FRMD4A: variants seen among roughly 807,000 people sequenced by gnomAD.
The protein encoded by FRMD4A is FERM domain-containing protein 4A.
FRMD4A carries 29 observed loss-of-function variants against 129.1 expected under a neutral mutation model. That is an observed-to-expected ratio of 0.22 (90% CI 0.17 to 0.31). The LOEUF is 0.31. Ranked by LOEUF, FRMD4A falls within the 10% of genes least tolerant of loss-of-function variation. FRMD4A has a pLI of 1.00. For missense variants in FRMD4A, 1,272 were observed against 1,375.8 expected (o/e 0.92, Z 1.19); for synonymous variants, 634 against 571.6 (o/e 1.11, Z -1.56).
At chr10:13,720,666 T>C (rs11258555) in intron 12 of FRMD4A, among the ~76,000 whole-genome samples, 1,759 of 152,206 alleles carry the variant, frequency 0.012, 69 homozygotes, top group South Asian at 0.12. Context: ...CAGGGAAGGA[T>C]AGGACAGGGT....
chr10:14,063,115 C>T (rs554051417), intron 2 of FRMD4A, among the ~76,000 whole-genome samples: 1 of 152,228 alleles, frequency 6.6e-6, no homozygotes, highest in South Asian at 2.1e-4. Flanking sequence ...AAGAGCTTTA[C>T]ACTTAAGAAG....
intron 2 of FRMD4A, among the ~76,000 whole-genome samples, chr10:14,047,488 G>T (rs560773303): frequency 6.6e-6 from 1 of 152,268 alleles, no homozygotes; most frequent in South Asian, 2.1e-4. Context: ...AGGATTGATA[G>T]GATCTCTAGG....
At chr10:14,012,792 G>A (rs749674462) in intron 2 of FRMD4A, among the ~76,000 whole-genome samples, 2 of 152,186 alleles carry the variant, frequency 1.3e-5, no homozygotes, top group Non-Finnish European at 2.9e-5. Flanking sequence ...CTTTTGCCCA[G>A]TGCCTGAAAT....
At chr10:14,231,555 C>T (rs183145471) in intron 2 of FRMD4A, among the ~76,000 whole-genome samples, 3 of 152,228 alleles carry the variant, frequency 2.0e-5, no homozygotes, top group Non-Finnish European at 2.9e-5. Flanking sequence ...ACCGTGTTAG[C>T]CAGGATGGTC....
chr10:14,197,603 C>T (rs990949084), intron 2 of FRMD4A, among the ~76,000 whole-genome samples: 2 of 152,196 alleles, frequency 1.3e-5, no homozygotes, highest in Non-Finnish European at 2.9e-5. Flanking sequence ...CCAAGTGATC[C>T]GCCCACCTCT....
chr10:14,137,412 A>C (rs11258888), intron 2 of FRMD4A, among the ~76,000 whole-genome samples: 76,839 of 151,924 alleles, frequency 0.51, 20,478 homozygotes, highest in East Asian at 0.77. Flanking sequence ...TTTGACTGAA[A>C]GAAAGCTTTG....
chr10:14,117,497 T>A (rs1280569835), intron 2 of FRMD4A, among the ~76,000 whole-genome samples: 1 of 152,240 alleles, frequency 6.6e-6, no homozygotes, highest in Non-Finnish European at 1.5e-5. Context: ...ACTCTGGGTC[T>A]CTGAGATTCT....
chr10:13,860,458 T>G (rs1303880141), intron 2 of FRMD4A, among the ~76,000 whole-genome samples: 1 of 152,222 alleles, frequency 6.6e-6, no homozygotes, highest in Non-Finnish European at 1.5e-5. Flanking sequence ...CGCTCCTCTC[T>G]GGACCAGATG....
intron 2 of FRMD4A, among the ~76,000 whole-genome samples, chr10:14,316,104 A>T (rs1466501850): frequency 6.6e-6 from 1 of 152,206 alleles, no homozygotes; most frequent in Non-Finnish European, 1.5e-5. Context: ...TCCCAGCTTT[A>T]GAAGTAGATA....
chr10:14,218,080 T>A (rs1241498059), intron 2 of FRMD4A, among the ~76,000 whole-genome samples: 3 of 152,220 alleles, frequency 2.0e-5, no homozygotes, highest in Non-Finnish European at 4.4e-5. Context: ...TCCACCCGCC[T>A]GGGCCTCCCA....
intron 2 of FRMD4A, among the ~76,000 whole-genome samples, chr10:14,267,576 C>T (rs1043368212): frequency 6.6e-6 from 1 of 152,142 alleles, no homozygotes; most frequent in African/African-American, 2.4e-5. Flanking sequence ...ATAGAATGGA[C>T]TATACTCTTC....
At chr10:13,670,766 T>C (rs2083450196) in intron 16 of FRMD4A, among the ~76,000 whole-genome samples, 1 of 152,234 alleles carries the variant, frequency 6.6e-6, no homozygotes, top group African/African-American at 2.4e-5. Flanking sequence ...CTTCCAAAGT[T>C]TTTTCCAAAG....
At chr10:13,742,135 C>T (rs969551880) in intron 9 of FRMD4A, among the ~76,000 whole-genome samples, 10 of 152,044 alleles carry the variant, frequency 6.6e-5, no homozygotes, top group African/African-American at 2.2e-4. Flanking sequence ...GGATTACAGG[C>T]GTGAGCCACC....
intron 2 of FRMD4A, among the ~76,000 whole-genome samples, chr10:13,955,125 T>TTTTTTTTTTTTG (rs2095402289): frequency 6.8e-6 from 1 of 147,694 alleles, no homozygotes; most frequent in African/African-American, 2.5e-5. Flanking sequence ...TTTTTTTTTT[T>TTTTTTTTTTTTG]GAGACGGAGT....
At chr10:13,809,005 G>A (rs1187879043) in intron 4 of FRMD4A, among the ~76,000 whole-genome samples, 2 of 152,184 alleles carry the variant, frequency 1.3e-5, no homozygotes, top group Non-Finnish European at 2.9e-5. Flanking sequence ...ACGCATGCAC[G>A]CACATGCTTT....
chr10:13,939,160 T>C (rs971282773), intron 2 of FRMD4A, among the ~76,000 whole-genome samples: 9 of 152,214 alleles, frequency 5.9e-5, no homozygotes, highest in Non-Finnish European at 1.5e-5. Flanking sequence ...TCAACGCCAG[T>C]ACCAACCGTA....
chr10:14,048,768 C>T (rs1026407858), intron 2 of FRMD4A, among the ~76,000 whole-genome samples: 4 of 151,468 alleles, frequency 2.6e-5, no homozygotes, highest in East Asian at 1.9e-4. Context: ...ATCGCACCAC[C>T]GCACTCCAGC....
chr10:14,000,813 G>T (rs1048406710), intron 2 of FRMD4A, among the ~76,000 whole-genome samples: 29 of 152,114 alleles, frequency 1.9e-4, no homozygotes, highest in African/African-American at 7.0e-4. Context: ...AGCTAGATTG[G>T]ATGTTTTTGA....
intron 2 of FRMD4A, among the ~76,000 whole-genome samples, chr10:14,267,243 T>A (rs1000868691): frequency 1.3e-5 from 2 of 152,242 alleles, no homozygotes; most frequent in African/African-American, 4.8e-5. Flanking sequence ...TGACGCTCTG[T>A]GTGTGGCTGA....
Sources: gnomAD v4.1 joint callset for allele counts (sites outside exome capture counted in the v4.1 genomes callset) on GRCh38, gnomAD v4.1.1 for gene constraint, MANE v1.5 for transcripts, NCBI Gene and HGNC (gene_info 2026-07-23, HGNC 2026-07-21) for gene names.